The following RPE65 variants were observed in gnomAD, a reference collection of about 807,000 sequenced individuals.
The protein encoded by RPE65 is retinoid isomerohydrolase RPE65.
In RPE65, 58 loss-of-function variants were observed where a neutral mutation model predicts 68.5. The observed-to-expected ratio is 0.85, with a 90% CI of 0.69 to 1.05. The LOEUF is 1.05. RPE65 is among the 50% of genes least tolerant of loss of function. The pLI is 0.00. For missense variants in RPE65, 643 were observed against 629.9 expected, an observed-to-expected ratio of 1.02 and a Z score of -0.22; for synonymous variants, 220 against 222.2, an observed-to-expected ratio of 0.99 and a Z score of 0.09.
At chr1:68,434,538 C>T (rs1249469145) in intron 10 of RPE65, among the ~76,000 whole-genome samples, 2 of 151,926 alleles carry the variant, frequency 1.3e-5, no homozygotes, top group Non-Finnish European at 2.9e-5. Context: ...ATAAGGGACT[C>T]GAGGTACTTA....
intron 10 of RPE65, among the ~76,000 whole-genome samples, chr1:68,436,759 C>T (rs1002142406): frequency 5.9e-5 from 9 of 152,048 alleles, no homozygotes; most frequent in African/African-American, 1.9e-4. Flanking sequence ...TGAGCCACTG[C>T]GCCTGGCCCA....
intron 10 of RPE65, among the ~76,000 whole-genome samples, chr1:68,435,125 C>G (rs1645851746): frequency 6.6e-6 from 1 of 152,080 alleles, no homozygotes; most frequent in Admixed American, 6.6e-5. Flanking sequence ...CACCTGCACT[C>G]ATCTTTGTGA....
At chr1:68,442,581 G>A (rs1645910868) in intron 5 of RPE65, among the ~76,000 whole-genome samples, 1 of 152,130 alleles carries the variant, frequency 6.6e-6, no homozygotes, top group Non-Finnish European at 1.5e-5. Context: ...GGAGGCAAAG[G>A]CACTGGTTAA....
At chr1:68,434,187 A>C (rs1645845740) in intron 10 of RPE65, among the ~76,000 whole-genome samples, 1 of 151,686 alleles carries the variant, frequency 6.6e-6, no homozygotes, top group South Asian at 2.1e-4. Flanking sequence ...ATGAAAACTT[A>C]GGGAATTTTA....
At chr1:68,444,973 C>T in intron 3 of RPE65, 90 bp from the exon 4 acceptor site, 3 of 1,021,288 alleles carry the variant, frequency 2.9e-6, no homozygotes, top group Admixed American at 1.8e-5. Context: ...TATGTGTCCT[C>T]ATCAAGTCAC....
Position 68,446,732 on chromosome 1 carries a change from C to G in RPE65, c.223G>C (p.Gly75Arg), listed in dbSNP as rs267598701. The change falls in exon 3 of 14, where the codon GGA becomes CGA. Residue 75 changes from glycine (G) to arginine (R), a missense_variant. By Grantham distance (125) the Gly-to-Arg change is moderately radical. Transcript: ENST00000262340. ...ALLHKFDFKE[G>R]HVTYHRRFIR... The stretch of plus-strand genomic sequence containing the variant: ...TACCTTCTGTGGTATGTGACATGTC[C>G]TTCTTTAAAGTCAAACTTGTGCAGG... 1.2e-6 allele frequency: 2 copies of G among 1,614,156 alleles called. No individual in the cohort carries two copies. Among genetic ancestry groups the G allele is most frequent in the African/African-American group, 1.3e-5 (1 of 75,034 alleles).
At chr1:68,448,944 C>T (rs547918434) in intron 1 of RPE65, among the ~76,000 whole-genome samples, 1 of 151,960 alleles carries the variant, frequency 6.6e-6, no homozygotes, top group African/African-American at 2.4e-5. Flanking sequence ...GGTCCCAGAT[C>T]ACTGCTCTGA....
At chr1:68,446,060 A>G (rs1571171706) in intron 3 of RPE65, among the ~76,000 whole-genome samples, 1 of 152,084 alleles carries the variant, frequency 6.6e-6, no homozygotes, top group African/African-American at 2.4e-5. Context: ...AGCAGAAGAC[A>G]AAGTATTTGT....
rs1291761354 is a variant in RPE65 at position 68,429,936 on chromosome 1, C to G, written c.1451-9G>C. On this transcript the variant is annotated splice_polypyrimidine_tract_variant and intron_variant, in intron 13 of 13. Transcript: ENST00000262340. Reference sequence around the variant, plus strand: ...CACACTCAGAACTACACCTGTTTATCAGAAGTAAATTAGGCAATATTGAGT... The same window carrying G: ...CACACTCAGAACTACACCTGTTTATGAGAAGTAAATTAGGCAATATTGAGT... 6.2e-7 allele frequency: 1 copy of G among 1,613,534 alleles called. No homozygotes were observed. The highest frequency in any genetic ancestry group is 2.2e-5 in the East Asian group (1 of 44,870).
At chr1:68,433,538 A>G (rs1645840568) in intron 10 of RPE65, among the ~76,000 whole-genome samples, 1 of 152,170 alleles carries the variant, frequency 6.6e-6, no homozygotes, top group Non-Finnish European at 1.5e-5. Context: ...TGTTTCAGAG[A>G]AAAAGAAAAC....
chr1:68,447,708 G>A (rs553443330), intron 2 of RPE65, among the ~76,000 whole-genome samples: 128 of 152,274 alleles, frequency 8.4e-4, no homozygotes, highest in African/African-American at 3.0e-3. Flanking sequence ...AATTAGCCGG[G>A]CGTGATGGCG....
intron 3 of RPE65, among the ~76,000 whole-genome samples, chr1:68,445,504 T>TTTAATTAA (rs571468020): frequency 6.6e-6 from 1 of 151,916 alleles, no homozygotes; most frequent in Admixed American, 6.5e-5. Flanking sequence ...ATTTTGTACT[T>TTTAATTAA]TTAATTAATT....
Position 68,448,488 on chromosome 1 carries a change from A to G in RPE65, c.94+136T>C, listed in dbSNP as rs938407064. On this transcript the variant is annotated intron_variant, in intron 2 of 13. Transcript: ENST00000262340. Reference sequence around the variant, plus strand: ...GAATGAAAGAAAATGGGTTCTTGCTATAAAAAGCCCAAACCACCTGATCCC... The same window carrying G: ...GAATGAAAGAAAATGGGTTCTTGCTGTAAAAAGCCCAAACCACCTGATCCC... 7 of 758,078 alleles carry G rather than the reference A, an allele frequency of 9.2e-6. No homozygotes were observed. The African/African-American group carries it at 1.1e-4, about 11-fold the overall frequency. The allele number at this position is 758,078 out of a possible 1,614,324, so 47.0% of individuals were successfully genotyped here.
chr1:68,434,104 A>G (rs1645844654), intron 10 of RPE65, among the ~76,000 whole-genome samples: 1 of 140,854 alleles, frequency 7.1e-6, no homozygotes, highest in African/African-American at 2.8e-5. Flanking sequence ...ATATATATAT[A>G]TATATATATA....
chr1:68,431,477 G>T lies in RPE65; in HGVS notation c.1237C>A (p.Arg413Ser), dbSNP rs369142161. Reference sequence around the variant, plus strand: ...TTTCTCTAGATCATCTCACCTTGACGAGGCCCTGAAAAGAGAACTTCAGGC... The same window carrying T: ...TTTCTCTAGATCATCTCACCTTGACTAGGCCCTGAAAAGAGAACTTCAGGC... ...LEPEVLFSGP[R>S]QAFEFPQINY... Residue 413 changes from arginine to serine, a missense_variant, in exon 11 of 14, where the codon CGT (arginine) becomes AGT (serine). Transcript: ENST00000262340. 2 of 1,613,696 alleles carry T rather than the reference G, an allele frequency of 1.2e-6. No individual in the cohort carries two copies. The highest frequency in any genetic ancestry group is 1.7e-6 in the Non-Finnish European group (2 of 1,179,768).
Position 68,448,623 on chromosome 1 carries a change from C to G in RPE65, c.94+1G>C. ...ATGGCTTCAAGATGGGCGAGACCAA[C>G]CTGTTACATGAGCTGTGAGCGGCGA... On this transcript the variant is annotated splice_donor_variant, in intron 2 of 13. Coordinates refer to ENST00000262340, the MANE Select transcript of RPE65 (RefSeq NM_000329.3). LOFTEE classifies it high-confidence loss of function. The G allele has an allele frequency of 6.2e-7, 1 of 1,613,836 alleles. No individual in the cohort carries two copies. Among genetic ancestry groups the G allele is most frequent in the Non-Finnish European group, 8.5e-7 (1 of 1,179,930 alleles).
At chr1:68,440,519 C>T (rs1462719208) in intron 6 of RPE65, among the ~76,000 whole-genome samples, 1 of 152,106 alleles carries the variant, frequency 6.6e-6, no homozygotes, top group Non-Finnish European at 1.5e-5. Flanking sequence ...TTAATTTTGC[C>T]TAGCACATGA....
rs746032112 is a variant in RPE65 at position 68,440,875 on chromosome 1, T to C, written c.621A>G (p.Val207=). 1.9e-5 allele frequency: 30 copies of C among 1,613,964 alleles called. No individual in the cohort carries two copies. The highest frequency in any genetic ancestry group is 2.5e-5 in the Non-Finnish European group (29 of 1,179,934). The change falls in exon 6 of 14, where the codon GTA becomes GTG. Residue 207 remains valine (V), a synonymous_variant. Coordinates refer to ENST00000262340, the MANE Select transcript of RPE65 (RefSeq NM_000329.3). ...GKNFSIAYNI[V]KIPPLQADKE... is the part of the protein sequence containing the mutation. ...CACCTGCTTGCAGTGGTGGGATCTTTACAATGTTGTAGGCAATTGAAAAAT... is the reference window on the plus strand; with the variant it reads ...CACCTGCTTGCAGTGGTGGGATCTTCACAATGTTGTAGGCAATTGAAAAAT...
chr1:68,441,120 T>C, intron 5 of RPE65, 120 bp from the exon 6 acceptor site: 1 of 1,166,534 alleles, frequency 8.6e-7, no homozygotes, highest in South Asian at 1.4e-5. Context: ...TTCTCTTTCT[T>C]CCCATCTCTC....
Sources: gnomAD v4.1 joint callset for allele counts (sites outside exome capture counted in the v4.1 genomes callset) on GRCh38, gnomAD v4.1.1 for gene constraint, MANE v1.5 for transcripts, NCBI Gene and HGNC (gene_info 2026-07-23, HGNC 2026-07-21) for gene names.